COL10A1: variants seen among roughly 807,000 people sequenced by gnomAD.
The protein encoded by COL10A1 is collagen alpha-1(X) chain.
COL10A1 carries 10 observed loss-of-function variants against 18.2 expected under a neutral mutation model. That is an observed-to-expected ratio of 0.55 (90% CI 0.34 to 0.93). COL10A1 has a LOEUF of 0.93. COL10A1 is among the 40% of genes least tolerant of loss of function. COL10A1 has a pLI of 0.02. For missense variants in COL10A1, 897 were observed against 853.5 expected (o/e 1.05, Z -0.64); for synonymous variants, 330 against 316.6 (o/e 1.04, Z -0.45).
chr6:116,151,700 TC>T (rs1169410237), intron 1 of COL10A1, among the ~76,000 whole-genome samples: 5 of 152,226 alleles, frequency 3.3e-5, no homozygotes, highest in African/African-American at 1.2e-4. Context: ...TATTTCTCTT[TC>T]CCACTTATAA....
chr6:116,199,870 C>G, the COL10A1 span, among the ~76,000 whole-genome samples: 1 of 151,950 alleles, frequency 6.6e-6, no homozygotes, highest in Non-Finnish European at 1.5e-5. Flanking sequence ...AGAGACTAAT[C>G]TACCACACAA....
chr6:116,202,925 G>A, the COL10A1 span, among the ~76,000 whole-genome samples: 1 of 151,930 alleles, frequency 6.6e-6, no homozygotes, highest in African/African-American at 2.4e-5. Context: ...TAGGGGTAAT[G>A]TAGTAATGCA....
the COL10A1 span, among the ~76,000 whole-genome samples, chr6:116,209,017 C>T: frequency 6.6e-6 from 1 of 152,010 alleles, no homozygotes; most frequent in Non-Finnish European, 1.5e-5. Context: ...GTAATATTCA[C>T]TCTGCTCAGA....
chr6:116,144,308 C>T (rs976157015), intron 1 of COL10A1, among the ~76,000 whole-genome samples: 1 of 152,102 alleles, frequency 6.6e-6, no homozygotes, highest in African/African-American at 2.4e-5. Flanking sequence ...CAAGACCATC[C>T]TGGCCAACAT....
chr6:116,126,693 A>G (rs1277619293), upstream of COL10A1, among the ~76,000 whole-genome samples: 2 of 152,244 alleles, frequency 1.3e-5, no homozygotes, highest in African/African-American at 2.4e-5. Context: ...ATATTCAGTA[A>G]ATGACTTCAG....
At chr6:116,142,460 G>A (rs1020526894) in intron 1 of COL10A1, among the ~76,000 whole-genome samples, 3 of 151,840 alleles carry the variant, frequency 2.0e-5, no homozygotes, top group Admixed American at 1.3e-4. Context: ...TTAAACTCAT[G>A]TTTCACTCCT....
Position 116,146,924 on chromosome 6 carries a change from T to A in COL10A1, c.-16+11690A>T, listed in dbSNP as rs148936512. Among the ~76,000 whole-genome samples, 69 of 151,212 alleles carry A rather than the reference T, an allele frequency of 4.6e-4. 2 individuals carry two copies. Among genetic ancestry groups the A allele is most frequent in the Middle Eastern group, 3.4e-3 (1 of 290 alleles). On this transcript the variant is annotated intron_variant, in intron 1 of 1. Coordinates refer to the COL10A1 transcript ENST00000418500. The stretch of plus-strand genomic sequence containing the variant: ...AAATTCCACAGAGATCAAAGGTCTA[T>A]GGATTAAAAAATAAATTATAAAACT...
chr6:116,123,851 A>G (rs970454473), intron 2 of COL10A1, among the ~76,000 whole-genome samples: 5 of 152,234 alleles, frequency 3.3e-5, no homozygotes, highest in African/African-American at 1.2e-4. Context: ...GAGAAGATCA[A>G]AGTATTTTTA....
At chr6:116,174,455 C>A in the COL10A1 span, among the ~76,000 whole-genome samples, 1 of 152,154 alleles carries the variant, frequency 6.6e-6, no homozygotes, top group African/African-American at 2.4e-5. Context: ...AATGAAATAA[C>A]CAACTTAAAT....
chr6:116,135,878 CAT>C (rs1214377056), intron 1 of COL10A1, among the ~76,000 whole-genome samples: 4 of 128,458 alleles, frequency 3.1e-5, no homozygotes, highest in Non-Finnish European at 5.1e-5. Flanking sequence ...TATATACACA[CAT>C]ACACACACAT....
the COL10A1 span, among the ~76,000 whole-genome samples, chr6:116,197,845 T>C: frequency 1.3e-5 from 2 of 152,064 alleles, no homozygotes; most frequent in Non-Finnish European, 2.9e-5. Context: ...TGAGAAGCGT[T>C]TACATGTACC....
upstream of COL10A1, among the ~76,000 whole-genome samples, chr6:116,162,228 A>G (rs1398457048): frequency 3.3e-5 from 5 of 152,166 alleles, no homozygotes; most frequent in East Asian, 7.7e-4. Context: ...GTGAATAGAG[A>G]TAATTTGACT....
At chr6:116,210,881 A>G in the COL10A1 span, among the ~76,000 whole-genome samples, 3 of 152,022 alleles carry the variant, frequency 2.0e-5, no homozygotes, top group Non-Finnish European at 4.4e-5. Flanking sequence ...CAGGAATCAC[A>G]TAGAAGTATT....
At chr6:116,154,020 G>T (rs912571717) in intron 1 of COL10A1, among the ~76,000 whole-genome samples, 3 of 150,488 alleles carry the variant, frequency 2.0e-5, no homozygotes, top group African/African-American at 7.3e-5. Context: ...ATGCCTAAAG[G>T]GAAGATTTCT....
intron 1 of COL10A1, among the ~76,000 whole-genome samples, chr6:116,154,491 T>A (rs1780131296): frequency 6.6e-6 from 1 of 152,202 alleles, no homozygotes; most frequent in Non-Finnish European, 1.5e-5. Flanking sequence ...TCTGTGATTT[T>A]TATGTTAACC....
At chr6:116,172,528 G>A in the COL10A1 span, among the ~76,000 whole-genome samples, 3 of 151,824 alleles carry the variant, frequency 2.0e-5, no homozygotes, top group African/African-American at 7.3e-5. Context: ...CACCATGTTG[G>A]CCAGGATGGT....
chr6:116,161,514 T>A (rs1780329874), upstream of COL10A1, among the ~76,000 whole-genome samples: 2 of 152,098 alleles, frequency 1.3e-5, no homozygotes, highest in African/African-American at 4.8e-5. Context: ...CCATTGTTTA[T>A]TTTTGTTGAC....
chr6:116,166,900 CAGAATTGAGCCAA>C, the COL10A1 span, among the ~76,000 whole-genome samples: 1 of 152,162 alleles, frequency 6.6e-6, no homozygotes, highest in Non-Finnish European at 1.5e-5. Flanking sequence ...TTTTGTTATT[CAGAATTGAGCCAA>C]AGAATTGAGC....
the COL10A1 span, among the ~76,000 whole-genome samples, chr6:116,210,252 G>A: frequency 7.9e-5 from 12 of 151,790 alleles, no homozygotes; most frequent in East Asian, 2.3e-3. Context: ...AAATTTATAT[G>A]TAAGGTTCAA....
Sources: allele counts gnomAD v4.1 joint callset (sites outside exome capture counted in the v4.1 genomes callset), GRCh38; gene constraint gnomAD v4.1.1; transcripts MANE v1.5; gene names NCBI Gene and HGNC (gene_info 2026-07-23, HGNC 2026-07-21).